TRABD2A: variants seen among roughly 807,000 people sequenced by gnomAD.
TRABD2A encodes the protein TraB domain containing 2A, also known as metalloprotease TIKI1.
TRABD2A carries 43 observed loss-of-function variants against 45.6 expected under a neutral mutation model. The ratio of observed to expected loss-of-function variants is 0.94; its 90% confidence interval spans 0.74 to 1.22. The LOEUF (loss-of-function observed/expected upper bound fraction) is 1.22. TRABD2A is among the 50% of genes most tolerant of loss of function. TRABD2A has a pLI of 0.00. For synonymous variants in TRABD2A, 269 were observed against 265.0 expected (o/e 1.02, Z -0.15); for missense variants, 642 against 652.4 (o/e 0.98, Z 0.17).
chr2:84,841,791 G>C lies in TRABD2A; in HGVS notation c.816+70C>G, dbSNP rs1681718585. On this transcript the variant is annotated intron_variant, in intron 3 of 6. Transcript: ENST00000409520. ...AATCCTTTGTACACAGGATGTACAT[G>C]TTGCCAGGTAATGTTTTTATTCCTA... The C allele has an allele frequency of 2.8e-6, 4 of 1,419,470 alleles. No homozygotes were observed. In the East Asian group the frequency reaches 1.0e-4, roughly 36 times the overall value. The allele number at this position is 1,419,470 out of a possible 1,614,324, so 87.9% of individuals were successfully genotyped here. A position where few individuals can be genotyped will look rare whatever the true frequency, so the allele number is the denominator to read the frequency against.
chr2:84,842,800 T>C (rs560253320), intron 2 of TRABD2A, among the ~76,000 whole-genome samples: 4 of 151,860 alleles, frequency 2.6e-5, no homozygotes, highest in Admixed American at 6.6e-5. Context: ...GTCTTTAATA[T>C]ACTAATGTGC....
intron 1 of TRABD2A, 54 bp downstream of exon 1, chr2:84,880,878 C>A (rs1012479752): frequency 6.5e-7 from 1 of 1,549,896 alleles, no homozygotes; most frequent in Admixed American, 2.0e-5. Context: ...GGAGGGAAAC[C>A]ATCCCAAGGA....
intron 2 of TRABD2A, among the ~76,000 whole-genome samples, chr2:84,863,805 G>T (rs1023789305): frequency 6.6e-6 from 1 of 151,912 alleles, no homozygotes; most frequent in African/African-American, 2.4e-5. Flanking sequence ...TAGAGACGGG[G>T]TTTCACCGTG....
intron 2 of TRABD2A, among the ~76,000 whole-genome samples, chr2:84,856,329 A>G (rs1035705235): frequency 6.6e-6 from 1 of 151,914 alleles, no homozygotes; most frequent in African/African-American, 2.4e-5. Flanking sequence ...CCCTTACCTG[A>G]AAAGGGACTA....
intron 2 of TRABD2A, among the ~76,000 whole-genome samples, chr2:84,849,058 A>C (rs1681999174): frequency 6.6e-6 from 1 of 151,842 alleles, no homozygotes; most frequent in Admixed American, 6.6e-5. Context: ...AAAAAGGGAC[A>C]AAATCAAGGT....
intron 2 of TRABD2A, among the ~76,000 whole-genome samples, chr2:84,856,163 C>T (rs1242290277): frequency 6.6e-6 from 1 of 152,076 alleles, no homozygotes; most frequent in African/African-American, 2.4e-5. Flanking sequence ...GGGGAAGGGT[C>T]TCCCTTGCCC....
intron 1 of TRABD2A, among the ~76,000 whole-genome samples, chr2:84,872,261 G>C (rs1046750940): frequency 1.3e-5 from 2 of 152,188 alleles, no homozygotes; most frequent in Non-Finnish European, 2.9e-5. Context: ...TGTAATCCCA[G>C]TACTTTAGAG....
intron 2 of TRABD2A, among the ~76,000 whole-genome samples, chr2:84,857,740 C>T (rs921251770): frequency 8.5e-5 from 13 of 152,202 alleles, no homozygotes; most frequent in Admixed American, 2.6e-4. Context: ...TTCCTTCTGA[C>T]GGCCCGGGAT....
At chr2:84,843,220 C>A (rs1462779283) in intron 2 of TRABD2A, among the ~76,000 whole-genome samples, 1 of 152,216 alleles carries the variant, frequency 6.6e-6, no homozygotes, top group East Asian at 1.9e-4. Flanking sequence ...ATACAGGATG[C>A]TGCCTTTGCT....
In TRABD2A at chr2:84,872,377, T is replaced by C. The variant is rs137955122; in HGVS notation, c.109-1592A>G. ...TACCAAAATTAGTCGGGCATGGTGG[T>C]GCATGCCTGTAGTCCCAGCTACTCA... On this transcript the variant is annotated intron_variant, in intron 1 of 6. Transcript: ENST00000409520. Among the ~76,000 whole-genome samples, 656 of 152,144 alleles carry C rather than the reference T, an allele frequency of 4.3e-3. 4 individuals are homozygous for C. Among genetic ancestry groups the C allele is most frequent in the African/African-American group, 0.014 (589 of 41,492 alleles).
At chr2:84,826,604 C>T (rs1681152305) in intron 5 of TRABD2A, among the ~76,000 whole-genome samples, 1 of 152,206 alleles carries the variant, frequency 6.6e-6, no homozygotes, top group Non-Finnish European at 1.5e-5. Flanking sequence ...ACAATCTTGG[C>T]TCACTGCAAC....
At chr2:84,836,671 A>G (rs1471278422) in intron 4 of TRABD2A, 2 of 152,062 alleles carry the variant, frequency 1.3e-5, no homozygotes, top group African/African-American at 4.8e-5. Flanking sequence ...CCCGTTAGGT[A>G]TACATTGGCA....
Position 84,830,318 on chromosome 2 carries a change from G to C in TRABD2A, c.1082+1737C>G, listed in dbSNP as rs1218228716. ...GGGAGGAGAGGAGGGCTCCTCAGAAGGGGGAAGTAGCGTCAGTAAAGGAGA... is the reference window on the plus strand; with the variant it reads ...GGGAGGAGAGGAGGGCTCCTCAGAACGGGGAAGTAGCGTCAGTAAAGGAGA... On this transcript the variant is annotated intron_variant, in intron 5 of 6. Coordinates refer to ENST00000409520, the MANE Select transcript of TRABD2A (RefSeq NM_001277053.2). This position sits in a 1 kb window ranked among gnomAD's most constrained non-coding sequence, Gnocchi z 4.9. Among the ~76,000 whole-genome samples, 1 of 152,182 alleles carries C rather than the reference G, an allele frequency of 6.6e-6. No individual in the cohort carries two copies. The highest frequency in any genetic ancestry group is 1.5e-5 in the Non-Finnish European group (1 of 68,042).
intron 2 of TRABD2A, among the ~76,000 whole-genome samples, chr2:84,867,784 C>G (rs951318722): frequency 6.6e-6 from 1 of 152,214 alleles, no homozygotes; most frequent in Non-Finnish European, 1.5e-5. Context: ...AGGATATGAA[C>G]AGACACTTCT....
At chr2:84,832,839 G>A (rs1681387021) in intron 4 of TRABD2A, 1 of 152,028 alleles carries the variant, frequency 6.6e-6, no homozygotes, top group Non-Finnish European at 1.5e-5. Flanking sequence ...CCCAACTACA[G>A]GATGGAATGC....
intron 2 of TRABD2A, among the ~76,000 whole-genome samples, chr2:84,855,925 T>C (rs1359263782): frequency 6.6e-6 from 1 of 152,102 alleles, no homozygotes; most frequent in Non-Finnish European, 1.5e-5. Context: ...TCCAGCACTT[T>C]CATTCCCCTC....
At chr2:84,856,597 T>C (rs1682315226) in intron 2 of TRABD2A, among the ~76,000 whole-genome samples, 1 of 152,142 alleles carries the variant, frequency 6.6e-6, no homozygotes, top group Non-Finnish European at 1.5e-5. Context: ...GAAGAAGTGC[T>C]ATGTTGTCAA....
intron 2 of TRABD2A, among the ~76,000 whole-genome samples, chr2:84,863,597 C>CTTTTTTTTTTTTT (rs55952015): frequency 6.3e-4 from 49 of 78,106 alleles, no homozygotes; most frequent in Non-Finnish European, 8.4e-4. Flanking sequence ...TTCAAATTTT[C>CTTTTTTTTTTTTT]TTTTTTTTTT....
intron 2 of TRABD2A, among the ~76,000 whole-genome samples, chr2:84,867,968 C>T (rs963833358): frequency 1.3e-5 from 2 of 152,144 alleles, no homozygotes; most frequent in African/African-American, 2.4e-5. Flanking sequence ...GAAATAGGAA[C>T]GCTTTTACAC....
Sources: allele counts gnomAD v4.1 joint callset (sites outside exome capture counted in the v4.1 genomes callset), GRCh38; gene constraint gnomAD v4.1.1; non-coding constraint Gnocchi (gnomAD v3.1); transcripts MANE v1.5; gene names NCBI Gene and HGNC (gene_info 2026-07-23, HGNC 2026-07-21).